Variants in PCDHGB1 observed in about 807,000 individuals in gnomAD.
The protein encoded by PCDHGB1 is protocadherin gamma subfamily B, 1.
A neutral mutation model predicts 56.6 loss-of-function variants in PCDHGB1; 34 were observed. That is an observed-to-expected ratio of 0.60 (90% CI 0.46 to 0.80). The LOEUF (loss-of-function observed/expected upper bound fraction) is 0.80. PCDHGB1 is among the 30% of genes least tolerant of loss of function. PCDHGB1 has a pLI of 0.00. For synonymous variants in PCDHGB1, 561 were observed against 505.9 expected (o/e 1.11, Z -1.46); for missense variants, 1,278 against 1,204.6 (o/e 1.06, Z -0.90).
At chr5:141,357,367 C>T (rs377276213) in intron 1 of PCDHGB1, 5 of 1,614,178 alleles carry the variant, frequency 3.1e-6, no homozygotes, top group Admixed American at 1.7e-5. Flanking sequence ...GCACAAGTCA[C>T]GCCTGCTTCA....
At chr5:141,457,784 T>G (rs1021614051) in intron 1 of PCDHGB1, among the ~76,000 whole-genome samples, 1 of 152,210 alleles carries the variant, frequency 6.6e-6, no homozygotes, top group Non-Finnish European at 1.5e-5. Flanking sequence ...TACCTGTGAG[T>G]TGGGTTATCC....
At chr5:141,467,514 T>C (rs2154569535) in intron 1 of PCDHGB1, among the ~76,000 whole-genome samples, 1 of 152,362 alleles carries the variant, frequency 6.6e-6, no homozygotes, top group South Asian at 2.1e-4. Flanking sequence ...TTGGAGTTTA[T>C]TCTTTTGTGT....
At chr5:141,404,126 T>G in intron 1 of PCDHGB1, 1 of 1,613,316 alleles carries the variant, frequency 6.2e-7, no homozygotes, top group Non-Finnish European at 8.5e-7. Context: ...GAATCTATCT[T>G]TTACATTAGA....
chr5:141,365,958 G>A lies in PCDHGB1; in HGVS notation c.2409+13289G>A, dbSNP rs779781915. On this transcript the variant is annotated intron_variant, in intron 1 of 3. Transcript: ENST00000523390. ...AGCGACAGTGGGAACCCTCCACTTA[G>A]CAGCAACGTGTCGCTGAGCCTGTTT... The A allele has an allele frequency of 6.8e-6, 11 of 1,614,252 alleles. No homozygotes were observed. The East Asian group carries it at 2.0e-4, about 29-fold the overall frequency.
At chr5:141,421,966 G>A in intron 1 of PCDHGB1, 1 of 1,610,918 alleles carries the variant, frequency 6.2e-7, no homozygotes, top group Non-Finnish European at 8.5e-7. Flanking sequence ...TACACAGTCC[G>A]TATATCGCGT....
intron 1 of PCDHGB1, chr5:141,375,679 G>A (rs1399157230): frequency 6.2e-7 from 1 of 1,614,244 alleles, no homozygotes; most frequent in Admixed American, 1.7e-5. Flanking sequence ...AGCTGTGGGT[G>A]ACAGCCAGCG....
intron 2 of PCDHGB1, among the ~76,000 whole-genome samples, chr5:141,496,841 G>C (rs2099771828): frequency 6.6e-6 from 1 of 151,398 alleles, no homozygotes; most frequent in South Asian, 2.1e-4. Context: ...GAACTCATAG[G>C]CTTCCAGACC....
chr5:141,350,905 G>A lies in PCDHGB1; in HGVS notation c.645G>A (p.Gly215=), dbSNP rs1446048202. 6.2e-7 allele frequency: 1 copy of A among 1,614,058 alleles called. No individual in the cohort carries two copies. ...HRLILTAMDG[G]DPPLSGTTHI... is the part of the protein sequence containing the mutation. ...TAATCCTGACTGCCATGGATGGCGG[G>A]GACCCGCCTCTAAGCGGCACCACCC... Residue 215 remains glycine (G), a synonymous_variant, in exon 1 of 4, where the codon GGG becomes GGA. Transcript: ENST00000523390.
At chr5:141,373,472 A>G (rs1012142467) in intron 1 of PCDHGB1, among the ~76,000 whole-genome samples, 1 of 152,230 alleles carries the variant, frequency 6.6e-6, no homozygotes, top group African/African-American at 2.4e-5. Context: ...GCAATGAGCT[A>G]TAATTGTGCC....
At chr5:141,462,984 T>G (rs1349170605) in intron 1 of PCDHGB1, among the ~76,000 whole-genome samples, 1 of 152,156 alleles carries the variant, frequency 6.6e-6, no homozygotes, top group African/African-American at 2.4e-5. Context: ...ACTTTTGCCT[T>G]GGGCTAATTT....
At chr5:141,366,039 A>G (rs781015607) in intron 1 of PCDHGB1, 15 of 1,614,136 alleles carry the variant, frequency 9.3e-6, no homozygotes, top group Non-Finnish European at 1.2e-5. Context: ...CTCCCCACAG[A>G]CGGTTCCACG....
chr5:141,418,150 A>C (rs1377300460), intron 1 of PCDHGB1: 2 of 1,614,112 alleles, frequency 1.2e-6, no homozygotes, highest in Non-Finnish European at 8.5e-7. Context: ...AAATATGCAA[A>C]GAGAGAAGAA....
At chr5:141,362,336 A>T in intron 1 of PCDHGB1, 1 of 1,614,052 alleles carries the variant, frequency 6.2e-7, no homozygotes, top group Non-Finnish European at 8.5e-7. Context: ...CTCAGCTCCA[A>T]GCCTGGACCT....
intron 1 of PCDHGB1, chr5:141,372,275 C>T (rs1308117997): frequency 4.3e-6 from 7 of 1,613,024 alleles, no homozygotes; most frequent in South Asian, 2.2e-5. Context: ...GTGAGGTGCG[C>T]ACGGCGCGTA....
At chr5:141,371,970 CG>C (rs748554819) in intron 1 of PCDHGB1, 402 of 1,613,132 alleles carry the variant, frequency 2.5e-4, no homozygotes, top group Non-Finnish European at 5.5e-5. Context: ...CGAGCAGCTG[CG>C]TGCCTTCGAG....
In PCDHGB1 at chr5:141,476,656, T is replaced by A. The variant is rs190269177; in HGVS notation, c.2410-18151T>A. 6.2e-7 allele frequency: 1 copy of A among 1,614,210 alleles called. No individual in the cohort carries two copies. The highest frequency in any genetic ancestry group is 1.3e-5 in the African/African-American group (1 of 75,064). ...ATGAGCTGAGCCGAAATGAATACTTTGCGCTTCGCGTGCAGACGCGGGAGG... is the reference window on the plus strand; with the variant it reads ...ATGAGCTGAGCCGAAATGAATACTTAGCGCTTCGCGTGCAGACGCGGGAGG... On this transcript the variant is annotated intron_variant, in intron 1 of 3. Coordinates refer to ENST00000523390, the MANE Select transcript of PCDHGB1 (RefSeq NM_018922.3). This position sits in a 1 kb window ranked among gnomAD's most constrained non-coding sequence, Gnocchi z 7.6.
chr5:141,421,933 G>A (rs1310432014), intron 1 of PCDHGB1: 1 of 1,613,446 alleles, frequency 6.2e-7, no homozygotes, highest in Non-Finnish European at 8.5e-7. Flanking sequence ...GGTCCTCGAT[G>A]TAAATGATCA....
intron 1 of PCDHGB1, chr5:141,478,906 C>T: frequency 1.1e-6 from 1 of 906,534 alleles, no homozygotes; most frequent in Non-Finnish European, 1.6e-6. Context: ...GAATAAGCTG[C>T]TGGATACCTC....
At chr5:141,414,356 T>C in intron 1 of PCDHGB1, 1 of 1,613,950 alleles carries the variant, frequency 6.2e-7, no homozygotes, top group Non-Finnish European at 8.5e-7. Flanking sequence ...TTGGCGTATC[T>C]ACCATTTAAA....
Sources: allele counts gnomAD v4.1 joint callset (sites outside exome capture counted in the v4.1 genomes callset), GRCh38; gene constraint gnomAD v4.1.1; non-coding constraint Gnocchi (gnomAD v3.1); transcripts MANE v1.5; gene names NCBI Gene and HGNC (gene_info 2026-07-23, HGNC 2026-07-21).